The following KLHDC7B variants were observed in gnomAD, a reference collection of about 807,000 sequenced individuals.
KLHDC7B encodes the protein kelch domain-containing protein 7B.
In KLHDC7B, 1 loss-of-function variant was observed where a neutral mutation model predicts 0.6. The observed-to-expected ratio is 1.71, with a 90% CI of 0.61 to 8.11. The LOEUF is 8.11. KLHDC7B is among the 30% of genes most tolerant of loss of function. The probability of loss-of-function intolerance (pLI) is 0.13; values close to 1 mark genes in which losing one functional copy is unlikely to be tolerated. For missense variants in KLHDC7B, 993 were observed against 894.9 expected (o/e 1.11, Z -1.40); for synonymous variants, 462 against 405.2 (o/e 1.14, Z -1.68).
Position 50,549,708 on chromosome 22 carries a change from G to A in KLHDC7B, c.3465G>A (p.Val1155=), listed in dbSNP as rs2069784398. ...VGAAVMRYNT[V]TGSWSRAASL... The stretch of plus-strand genomic sequence containing the variant: ...CCGCCGTGATGCGCTACAACACAGT[G>A]ACCGGCTCCTGGAGCAGGGCTGCCT... The change falls in exon 1 of 1, where the codon GTG becomes GTA. Residue 1155 remains valine, a synonymous_variant. Coordinates refer to ENST00000648057, the MANE Select transcript of KLHDC7B (RefSeq NM_138433.5). The A allele has an allele frequency of 6.3e-7, 1 of 1,580,606 alleles. No homozygotes were observed. Among genetic ancestry groups the A allele is most frequent in the Non-Finnish European group, 8.6e-7 (1 of 1,164,632 alleles).
chr22:50,549,144 C>A lies in KLHDC7B; in HGVS notation c.2901C>A (p.Asn967Lys), dbSNP rs760543971. 4 of 1,603,594 alleles carry A rather than the reference C, an allele frequency of 2.5e-6. No individual in the cohort carries two copies. Among genetic ancestry groups the A allele is most frequent in the Admixed American group, 1.7e-5 (1 of 59,978 alleles). Residue 967 changes from asparagine to lysine, a missense_variant, in exon 1 of 1, where the codon AAC becomes AAA. Asn to Lys is a moderately conservative substitution (Grantham distance 94). Coordinates refer to ENST00000648057, the MANE Select transcript of KLHDC7B (RefSeq NM_138433.5). ...LPLPAHLHVF[N>K]PRENTWRPLT... ...TACCTGCGCACCTGCATGTGTTCAACCCCCGGGAGAACACCTGGCGGCCCC... is the reference window on the plus strand; with the variant it reads ...TACCTGCGCACCTGCATGTGTTCAAACCCCGGGAGAACACCTGGCGGCCCC...
In KLHDC7B at chr22:50,549,744, G is replaced by GGCCGCC; in HGVS notation, c.3501_3502insGCCGCC (p.Leu1167_Pro1168insAlaAla). 6.4e-7 allele frequency: 1 copy of GGCCGCC among 1,554,556 alleles called. No individual in the cohort carries two copies. Among genetic ancestry groups the GGCCGCC allele is most frequent in the Non-Finnish European group, 8.7e-7 (1 of 1,152,374 alleles). On this transcript the variant is annotated inframe_insertion, in exon 1 of 1. Transcript: ENST00000648057. Reference sequence around the variant, plus strand: ...GGAGCAGGGCTGCCTCCCTGCCCCTGCCCGCCCCCGCCCCACTGCACTGCA... The same window carrying GGCCGCC: ...GGAGCAGGGCTGCCTCCCTGCCCCTGGCCGCCCCCGCCCCCGCCCCACTGCACTGCA...
rs1156631611 is a variant in KLHDC7B at position 50,549,770 on chromosome 22, C to T, written c.3527C>T (p.Thr1176Ile). 60 of 1,600,878 alleles carry T rather than the reference C, an allele frequency of 3.7e-5. No homozygotes were observed. The highest frequency in any genetic ancestry group is 1.6e-4 in the East Asian group (7 of 44,678). ...PLPAPAPLHCTTLGNTIYCLN... is the reference protein window; with the variant it reads ...PLPAPAPLHCITLGNTIYCLN... The stretch of plus-strand genomic sequence containing the variant: ...CCCGCCCCCGCCCCACTGCACTGCA[C>T]CACCCTGGGCAACACCATTTACTGC... The change falls in exon 1 of 1, where the codon ACC becomes ATC. Residue 1176 changes from threonine to isoleucine, a missense_variant. Physicochemically the swap from Thr to Ile is moderately conservative, Grantham distance 89 (BLOSUM62 -1). Transcript: ENST00000648057.
chr22:50,550,958 T>C lies in KLHDC7B; in HGVS notation c.*1007T>C. ...AGCCTGGATGTCCCTGTCTGGGCCC[T>C]TTTTCTGTTTTTTATTCTATGTTCA... is the stretch of plus-strand genomic sequence containing the variant. On this transcript the variant is annotated 3_prime_UTR_variant, in exon 1 of 1. Transcript: ENST00000648057. 1.8e-5 allele frequency: 6 copies of C among 333,220 alleles called. No individual in the cohort carries two copies. The highest frequency in any genetic ancestry group is 4.9e-5 in the South Asian group (1 of 20,528). 20.6% of individuals were successfully genotyped at this position (333,220 alleles called of 1,614,324 possible).
chr22:50,548,112 C>A lies in KLHDC7B; in HGVS notation c.1869C>A (p.Leu623=). 1 of 1,437,186 alleles carries A rather than the reference C, an allele frequency of 7.0e-7. No homozygotes were observed. The allele number at this position is 1,437,186 out of a possible 1,614,324, so 89.0% of individuals were successfully genotyped here. ...CAAAGCCTCAGGAGAGTGTGGCTCT[C>A]CCCAGGCGCTACCAGGAGGGGCAGG... is the stretch of plus-strand genomic sequence containing the variant. ...DGSKPQESVA[L]PRRYQEGQVS... Residue 623 remains leucine (L), a synonymous_variant, in exon 1 of 1, where the codon CTC becomes CTA. Transcript: ENST00000648057. The surrounding 1 kb of genome is among the most constrained non-coding windows in gnomAD (Gnocchi z 5.3).
chr22:50,548,420 AG>A lies in KLHDC7B; in HGVS notation c.257del (p.Gly86GlufsTer7). 1 of 1,569,742 alleles carries A rather than the reference AG, an allele frequency of 6.4e-7. No homozygotes were observed. Among genetic ancestry groups the A allele is most frequent in the Middle Eastern group, 1.7e-4 (1 of 6,018 alleles). On this transcript the variant is annotated frameshift_variant, in exon 1 of 1. Coordinates refer to the KLHDC7B transcript ENST00000395676. LOFTEE classifies it low-confidence loss of function (END_TRUNC). The surrounding 1 kb of genome is among the most constrained non-coding windows in gnomAD (Gnocchi z 5.3). ...GACCCTCCCCCAGGCCTAAGAGGAG[AG>A]GGAACCAGGGAGAAAAGTCTAGACC...
rs1232948321 is a variant in KLHDC7B, at chr22:50,549,285, C to T, written c.3042C>T (p.Asn1014=). 2 of 1,612,284 alleles carry T rather than the reference C, an allele frequency of 1.2e-6. No homozygotes were observed. Among genetic ancestry groups the T allele is most frequent in the Non-Finnish European group, 8.5e-7 (1 of 1,179,982 alleles). The change falls in exon 1 of 1, where the codon AAC becomes AAT. Residue 1014 remains asparagine, a synonymous_variant. Transcript: ENST00000648057. ...RGSGAKAVCS[N]EVFCYNPLTN... Reference sequence around the variant, plus strand: ...CCGGTGCCAAGGCCGTCTGCTCCAACGAGGTCTTCTGCTACAACCCTCTGA... The same window carrying T: ...CCGGTGCCAAGGCCGTCTGCTCCAATGAGGTCTTCTGCTACAACCCTCTGA...
In KLHDC7B at chr22:50,548,932, G is replaced by GC; in HGVS notation, c.766_767insC (p.Asp256AlafsTer332). 6.3e-7 allele frequency: 1 copy of GC among 1,597,598 alleles called. No individual in the cohort carries two copies. Among genetic ancestry groups the GC allele is most frequent in the Non-Finnish European group, 8.5e-7 (1 of 1,173,590 alleles). ...CGACAACCTGCTGCGAGTGCTGGGA[G>GC]ACCCGTGCCTCTACCGCCGGCTGAG... On this transcript the variant is annotated frameshift_variant, in exon 1 of 1. Coordinates refer to the KLHDC7B transcript ENST00000395676. LOFTEE classifies it low-confidence loss of function (END_TRUNC). The surrounding 1 kb of genome is among the most constrained non-coding windows in gnomAD (Gnocchi z 5.3).
In KLHDC7B at chr22:50,550,231, A is replaced by T; in HGVS notation, c.*280A>T. On this transcript the variant is annotated 3_prime_UTR_variant, in exon 1 of 1. Transcript: ENST00000648057. Reference sequence around the variant, plus strand: ...TTGCTGACACCCCCCTGTCTGTGGGACTCCCTATTCCCTAGAGCCAGGGAC... The same window carrying T: ...TTGCTGACACCCCCCTGTCTGTGGGTCTCCCTATTCCCTAGAGCCAGGGAC... The T allele has an allele frequency of 2.3e-6, 1 of 428,338 alleles. No individual in the cohort carries two copies. Among genetic ancestry groups the T allele is most frequent in the Non-Finnish European group, 4.3e-6 (1 of 232,250 alleles). The allele number at this position is 428,338 out of a possible 1,614,324, so 26.5% of individuals were successfully genotyped here.
chr22:50,550,142 C>CTCAG lies in KLHDC7B; in HGVS notation c.*191_*192insTCAG. 2 of 591,702 alleles carry CTCAG rather than the reference C, an allele frequency of 3.4e-6. No homozygotes were observed. The highest frequency in any genetic ancestry group is 5.9e-6 in the Non-Finnish European group (2 of 340,666). The allele number at this position is 591,702 out of a possible 1,614,324, so 36.7% of individuals were successfully genotyped here. A position where few individuals can be genotyped will look rare whatever the true frequency, so the allele number is the denominator to read the frequency against. Reference sequence around the variant, plus strand: ...CCAGACTCCCTCAGCCTCTTTCTGCCCCTCACTCCACACCCAGACTGTTTC... The same window carrying CTCAG: ...CCAGACTCCCTCAGCCTCTTTCTGCCTCAGCCTCACTCCACACCCAGACTGTTTC... On this transcript the variant is annotated 3_prime_UTR_variant, in exon 1 of 1. Coordinates refer to ENST00000648057, the MANE Select transcript of KLHDC7B (RefSeq NM_138433.5).
chr22:50,548,272 G>T lies in KLHDC7B; in HGVS notation c.106G>T (p.Glu36Ter). 7 of 1,551,172 alleles carry T rather than the reference G, an allele frequency of 4.5e-6. No homozygotes were observed. Among genetic ancestry groups the T allele is most frequent in the Non-Finnish European group, 6.1e-6 (7 of 1,146,968 alleles). ...GGGTCCCAGCACTTCCACACACTCT[G>T]AGGACAGACACGGCCCCTCTTCTTC... Residue 36 changes from glutamate to a stop codon, truncating the protein, a stop_gained, in exon 1 of 1, where the codon GAG becomes TAG. Transcript: ENST00000395676. LOFTEE classifies it low-confidence loss of function (END_TRUNC). This position sits in a 1 kb window ranked among gnomAD's most constrained non-coding sequence, Gnocchi z 5.3.
rs1047311250 is a variant in KLHDC7B, at chr22:50,548,509, C to T, written c.2266C>T (p.Pro756Ser). 2.6e-6 allele frequency: 4 copies of T among 1,555,962 alleles called. No homozygotes were observed. The African/African-American group carries it at 4.1e-5, about 16-fold the overall frequency. The change falls in exon 1 of 1, where the codon CCC becomes TCC. Residue 756 changes from proline to serine, a missense_variant. Transcript: ENST00000648057. This position sits in a 1 kb window ranked among gnomAD's most constrained non-coding sequence, Gnocchi z 5.3. ...GCCCCCCGCGCAGAGGCCGCCTGGC[C>T]CCGCGGCCTCCTCCTCTGCGAGGCG... ...AQPPAQRPPG[P>S]AASSSARRSQ... is the part of the protein sequence containing the mutation.
exon 1 of KLHDC7B, chr22:50,548,030 CCCCCACCTCA>C: frequency 1.3e-6 from 1 of 749,638 alleles, no homozygotes. This position sits in a 1 kb window ranked among gnomAD's most constrained non-coding sequence, Gnocchi z 5.3. Context: ...CCTGCCCCAG[CCCCCACCTCA>C]GCCCCAACCC....
rs1001724708 is a variant in KLHDC7B, at chr22:50,546,430, G to C, written c.187G>C (p.Gly63Arg). ...EAAEPVSTAL[G>R]AQPHQAGGAE... is the part of the protein sequence containing the mutation. The stretch of plus-strand genomic sequence containing the variant: ...GGCAGAACCGGTGTCCACAGCCCTC[G>C]GGGCTCAACCTCATCAGGCAGGAGG... The change falls in exon 1 of 1, where the codon GGG becomes CGG. Residue 63 changes from glycine (G) to arginine (R), a missense_variant. Gly to Arg is a moderately radical substitution (Grantham distance 125). Coordinates refer to ENST00000648057, the MANE Select transcript of KLHDC7B (RefSeq NM_138433.5). The C allele has an allele frequency of 2.5e-5, 10 of 399,226 alleles. No individual in the cohort carries two copies. The highest frequency in any genetic ancestry group is 1.0e-4 in the African/African-American group (5 of 48,630). The allele number at this position is 399,226 out of a possible 1,614,324, so 24.7% of individuals were successfully genotyped here.
Position 50,548,408 on chromosome 22 carries a change from G to T in KLHDC7B, c.2165G>T (p.Gly722Val). The T allele has an allele frequency of 6.4e-7, 1 of 1,561,226 alleles. No individual in the cohort carries two copies. Residue 722 changes from glycine (G) to valine (V), a missense_variant, in exon 1 of 1, where the codon GGC becomes GTC. By Grantham distance (109) the Gly-to-Val change is moderately radical. Transcript: ENST00000648057. This position sits in a 1 kb window ranked among gnomAD's most constrained non-coding sequence, Gnocchi z 5.3. ...TCGCCCAGCCCAGACCCTCCCCCAG[G>T]CCTAAGAGGAGAGGGAACCAGGGAG... ...NGSPSPDPPP[G>V]LRGEGTREKS...
chr22:50,550,179 C>T lies in KLHDC7B; in HGVS notation c.*228C>T. The stretch of plus-strand genomic sequence containing the variant: ...ACCCAGACTGTTTCCTGACTCAATT[C>T]CGTACCTACTTACAGACCCTCTCAG... On this transcript the variant is annotated 3_prime_UTR_variant, in exon 1 of 1. Transcript: ENST00000648057. 2.0e-6 allele frequency: 1 copy of T among 504,144 alleles called. No homozygotes were observed. The highest frequency in any genetic ancestry group is 3.6e-6 in the Non-Finnish European group (1 of 279,804). 31.2% of individuals were successfully genotyped at this position (504,144 alleles called of 1,614,324 possible).
At position 50,549,756 on chromosome 22, in the gene KLHDC7B, C is replaced by T. The variant is rs2069785683; in HGVS notation, c.3513C>T (p.Ala1171=). 6.3e-7 allele frequency: 1 copy of T among 1,586,222 alleles called. No homozygotes were observed. The highest frequency in any genetic ancestry group is 8.5e-7 in the Non-Finnish European group (1 of 1,171,328). ...RAASLPLPAP[A]PLHCTTLGNT... is the part of the protein sequence containing the mutation. ...CCTCCCTGCCCCTGCCCGCCCCCGCCCCACTGCACTGCACCACCCTGGGCA... is the reference window on the plus strand; with the variant it reads ...CCTCCCTGCCCCTGCCCGCCCCCGCTCCACTGCACTGCACCACCCTGGGCA... Residue 1171 remains alanine (A), a synonymous_variant, in exon 1 of 1, where the codon GCC becomes GCT. Transcript: ENST00000648057.
rs562289879 is a variant in KLHDC7B, at chr22:50,549,159, C to G, written c.2916C>G (p.Thr972=). The G allele has an allele frequency of 3.9e-5, 63 of 1,604,474 alleles. No homozygotes were observed. The South Asian group carries it at 6.7e-4, about 17-fold the overall frequency. The change falls in exon 1 of 1, where the codon ACC becomes ACG. Residue 972 remains threonine (T), a synonymous_variant. Transcript: ENST00000648057. Reference sequence around the variant, plus strand: ...ATGTGTTCAACCCCCGGGAGAACACCTGGCGGCCCCTGACCCAGGTGCCCG... The same window carrying G: ...ATGTGTTCAACCCCCGGGAGAACACGTGGCGGCCCCTGACCCAGGTGCCCG... ...HLHVFNPREN[T]WRPLTQVPEE...
rs572344609 is a variant in KLHDC7B at position 50,546,693 on chromosome 22, G to A, written c.450G>A (p.Ala150=). ...GTGCCACCCCCGCGGCCCCCCGAGC[G>A]GAAGGAAAGGAGCCTCCCAGGCCAG... ...RGSATPAAPR[A]EGKEPPRPGT... The change falls in exon 1 of 1, where the codon GCG becomes GCA. Residue 150 remains alanine (A), a synonymous_variant. Transcript: ENST00000648057. 3.3e-5 allele frequency among the ~76,000 whole-genome samples: 5 copies of A among 152,212 alleles called. No individual in the cohort carries two copies. Among genetic ancestry groups the A allele is most frequent in the East Asian group, 1.9e-4 (1 of 5,158 alleles).
Sources: allele counts gnomAD v4.1 joint callset (sites outside exome capture counted in the v4.1 genomes callset), GRCh38; gene constraint gnomAD v4.1.1; non-coding constraint Gnocchi (gnomAD v3.1); transcripts MANE v1.5; gene names NCBI Gene and HGNC (gene_info 2026-07-23, HGNC 2026-07-21).